ERCC1: variants seen among roughly 807,000 people sequenced by gnomAD.
The protein encoded by ERCC1 is DNA excision repair protein ERCC-1.
In ERCC1, 36 loss-of-function variants were observed where a neutral mutation model predicts 37.6. The ratio of observed to expected loss-of-function variants is 0.96; its 90% confidence interval spans 0.73 to 1.26. ERCC1 has a LOEUF of 1.26. Ranked by LOEUF, ERCC1 falls within the 50% of genes most tolerant of loss-of-function variation. The pLI is 0.00. For synonymous variants in ERCC1, 156 were observed against 162.1 expected (o/e 0.96, Z 0.28); for missense variants, 349 against 376.5 (o/e 0.93, Z 0.60).
At chr19:45,415,773 G>A (rs1362088405) in intron 6 of ERCC1, 2 of 455,968 alleles carry the variant, frequency 4.4e-6, no homozygotes, top group Admixed American at 2.4e-5. Context: ...CAGCTCTTGG[G>A]AGCCCAACCC....
rs202063629 is a variant in ERCC1 at position 45,408,071 on chromosome 19, A to C, written c.*1604T>G. 0.015 allele frequency: 22,834 copies of C among 1,488,486 alleles called. 226 individuals carry two copies. The highest frequency in any genetic ancestry group is 0.021 in the South Asian group (1,498 of 71,862). The allele number at this position is 1,488,486 out of a possible 1,614,324, so 92.2% of individuals were successfully genotyped here. ...TCTCTCAAAAAAAAACAAAAAAAAA[A>C]TCAAAAAACCTTCCCTCTCCTGTTC... On this transcript the variant is annotated 3_prime_UTR_variant, in exon 10 of 10. Coordinates refer to ENST00000300853, the MANE Select transcript of ERCC1 (RefSeq NM_001983.4).
chr19:45,442,717 T>TGG (rs1382579506), intron 1 of ERCC1, among the ~76,000 whole-genome samples: 2 of 150,982 alleles, frequency 1.3e-5, no homozygotes, highest in African/African-American at 4.9e-5. Flanking sequence ...GTGACAGGGG[T>TGG]GGGGAGTCAA....
chr19:45,419,985 C>T (rs1321323406), intron 4 of ERCC1, among the ~76,000 whole-genome samples: 3 of 145,434 alleles, frequency 2.1e-5, no homozygotes, highest in African/African-American at 7.7e-5. Flanking sequence ...GGAGTCCAGG[C>T]CCCCAGCCCC....
At chr19:45,428,819 C>G (rs1334177561), upstream of ERCC1, 6 of 151,948 alleles carry the variant, frequency 3.9e-5, no homozygotes, top group African/African-American at 1.4e-4. Context: ...ACGCGCGGCC[C>G]GGCGATCGCG....
intron 5 of ERCC1, among the ~76,000 whole-genome samples, chr19:45,418,844 A>AAACG (rs369534735): frequency 6.6e-6 from 1 of 152,120 alleles, no homozygotes; most frequent in African/African-American, 2.4e-5. Context: ...ACAAACAAAC[A>AAACG]CAAAACAAAA....
chr19:45,408,142 G>A lies in ERCC1; in HGVS notation c.*1533C>T. On this transcript the variant is annotated 3_prime_UTR_variant, in exon 10 of 10. Transcript: ENST00000300853. ...CTGTTTCTCTCTGTAGCTTCAATGG[G>A]CGGCATGTGCCTCTCTCTGGCTCCC... is the stretch of plus-strand genomic sequence containing the variant. 1.3e-6 allele frequency: 2 copies of A among 1,598,008 alleles called. No homozygotes were observed. Among genetic ancestry groups the A allele is most frequent in the Non-Finnish European group, 1.7e-6 (2 of 1,168,238 alleles).
chr19:45,408,952 G>T lies in ERCC1; in HGVS notation c.*723C>A, dbSNP rs752666450. 1.9e-6 allele frequency: 3 copies of T among 1,614,020 alleles called. No individual in the cohort carries two copies. Among genetic ancestry groups the T allele is most frequent in the Non-Finnish European group, 2.5e-6 (3 of 1,179,992 alleles). ...AAGCCATCCCTCTGCCCCCTACGAA[G>T]AAGAGGAAAAAAGAAAAGGGACAGA... is the stretch of plus-strand genomic sequence containing the variant. On this transcript the variant is annotated 3_prime_UTR_variant, in exon 10 of 10. Transcript: ENST00000300853.
chr19:45,444,293 C>T (rs946290047), intron 1 of ERCC1, among the ~76,000 whole-genome samples: 2 of 147,702 alleles, frequency 1.4e-5, no homozygotes, highest in Non-Finnish European at 1.5e-5. Flanking sequence ...GCCGCTTCGC[C>T]CCCCACCCCG....
chr19:45,412,154 C>T (rs1048356513), intron 9 of ERCC1, among the ~76,000 whole-genome samples: 7 of 150,946 alleles, frequency 4.6e-5, no homozygotes, highest in Admixed American at 1.3e-4. Context: ...CCACCATGCC[C>T]GGCCTATTTT....
chr19:45,425,154 C>G (rs1316192051), upstream of ERCC1, among the ~76,000 whole-genome samples: 1 of 144,676 alleles, frequency 6.9e-6, no homozygotes, highest in Non-Finnish European at 1.5e-5. Flanking sequence ...AGGCTGGTCT[C>G]AAACTCCTGA....
At chr19:45,422,567 A>G (rs1974503234) in intron 2 of ERCC1, among the ~76,000 whole-genome samples, 1 of 151,978 alleles carries the variant, frequency 6.6e-6, no homozygotes, top group African/African-American at 2.4e-5. Flanking sequence ...GAGGTTCGAG[A>G]CCAGCCTGAC....
chr19:45,443,088 A>G (rs1325430427), intron 1 of ERCC1, among the ~76,000 whole-genome samples: 1 of 152,156 alleles, frequency 6.6e-6, no homozygotes, highest in Non-Finnish European at 1.5e-5. Flanking sequence ...CACACAGACC[A>G]GGGACTCAGG....
intron 5 of ERCC1, among the ~76,000 whole-genome samples, 155 bp downstream of exon 5, chr19:45,418,943 T>C (rs765588343): frequency 1.5e-4 from 23 of 152,192 alleles, no homozygotes; most frequent in Non-Finnish European, 3.1e-4. Flanking sequence ...TCCCCTCTCC[T>C]TGCCAACATA....
intron 1 of ERCC1, among the ~76,000 whole-genome samples, chr19:45,434,068 C>T (rs558879403): frequency 1.4e-5 from 2 of 147,746 alleles, no homozygotes; most frequent in African/African-American, 2.5e-5. Context: ...CACTTGAACC[C>T]GAGAGGCAGA....
At chr19:45,422,062 C>T (rs574643820) in intron 2 of ERCC1, among the ~76,000 whole-genome samples, 74 of 152,182 alleles carry the variant, frequency 4.9e-4, no homozygotes, top group African/African-American at 1.3e-3. Flanking sequence ...CAGCCACCAG[C>T]GTTTCACCCT....
chr19:45,439,674 C>T (rs978016320), intron 1 of ERCC1, among the ~76,000 whole-genome samples: 1 of 151,954 alleles, frequency 6.6e-6, no homozygotes, highest in Non-Finnish European at 1.5e-5. Context: ...GGCTCTGAAC[C>T]CCGGCGGACG....
At chr19:45,424,705 G>A (rs1974628729), upstream of ERCC1, among the ~76,000 whole-genome samples, 1 of 151,800 alleles carries the variant, frequency 6.6e-6, no homozygotes, top group Non-Finnish European at 1.5e-5. Context: ...TAATTTCTAG[G>A]GGTACTTTAT....
intron 9 of ERCC1, chr19:45,410,890 C>T (rs1973696823): frequency 6.6e-6 from 1 of 152,122 alleles, no homozygotes; most frequent in South Asian, 2.1e-4. Context: ...GTGGCACAAT[C>T]TTGGCTCACT....
At chr19:45,418,782 C>A (rs1284001856) in intron 5 of ERCC1, among the ~76,000 whole-genome samples, 2 of 152,182 alleles carry the variant, frequency 1.3e-5, no homozygotes, top group Non-Finnish European at 2.9e-5. Context: ...AAGATCAAGT[C>A]ATTGCACTCC....
Sources: gnomAD v4.1 joint callset for allele counts (sites outside exome capture counted in the v4.1 genomes callset) on GRCh38, gnomAD v4.1.1 for gene constraint, MANE v1.5 for transcripts, NCBI Gene and HGNC (gene_info 2026-07-23, HGNC 2026-07-21) for gene names.